Variants in ANKRD11 observed in about 807,000 individuals in gnomAD.
ANKRD11 encodes ankyrin repeat domain-containing protein 11.
Under a neutral mutation model 195.7 loss-of-function variants are expected in ANKRD11, and 17 were observed. The observed-to-expected ratio is 0.09, with a 90% CI of 0.06 to 0.13. The LOEUF (loss-of-function observed/expected upper bound fraction) is 0.13. Among genes scored for constraint, ANKRD11 ranks in the 10% least tolerant of loss-of-function variants. ANKRD11 has a pLI of 1.00. For synonymous variants in ANKRD11, 1,953 were observed against 1,528.1 expected, an observed-to-expected ratio of 1.28 and a Z score of -6.49; for missense variants, 3,735 against 3,566.1, an observed-to-expected ratio of 1.05 and a Z score of -1.21.
At chr16:89,339,290 T>A (rs1377823611) in intron 2 of ANKRD11, among the ~76,000 whole-genome samples, 1 of 152,228 alleles carries the variant, frequency 6.6e-6, no homozygotes, top group Non-Finnish European at 1.5e-5. Flanking sequence ...TAGAGATGTC[T>A]GAATTCCCCC....
chr16:89,397,585 T>C (rs1417990921), intron 2 of ANKRD11, among the ~76,000 whole-genome samples: 1 of 152,156 alleles, frequency 6.6e-6, no homozygotes, highest in Non-Finnish European at 1.5e-5. Context: ...AGGACAAAGG[T>C]GTGCATGGCA....
intron 2 of ANKRD11, among the ~76,000 whole-genome samples, chr16:89,374,659 G>A (rs1416505250): frequency 6.6e-6 from 1 of 152,198 alleles, no homozygotes; most frequent in Non-Finnish European, 1.5e-5. Context: ...ACGATCAGAG[G>A]AGAAAAGCTC....
At chr16:89,357,707 C>T (rs541108255) in intron 2 of ANKRD11, among the ~76,000 whole-genome samples, 17 of 152,286 alleles carry the variant, frequency 1.1e-4, no homozygotes, top group African/African-American at 4.1e-4. Context: ...ACAGCCAATG[C>T]TGCGGACTCC....
chr16:89,388,617 G>A (rs548353891), intron 2 of ANKRD11, among the ~76,000 whole-genome samples: 1 of 152,288 alleles, frequency 6.6e-6, no homozygotes, highest in African/African-American at 2.4e-5. Flanking sequence ...ATTTGCACCT[G>A]AGAAGATGGG....
intron 9 of ANKRD11, among the ~76,000 whole-genome samples, chr16:89,275,403 C>A (rs113451778): frequency 6.6e-6 from 1 of 152,336 alleles, no homozygotes; most frequent in East Asian, 1.9e-4. Context: ...CACGGTGCCC[C>A]GTACAGCACC....
intron 2 of ANKRD11, among the ~76,000 whole-genome samples, chr16:89,406,539 C>T (rs141589795): frequency 6.6e-6 from 1 of 152,152 alleles, no homozygotes; most frequent in Non-Finnish European, 1.5e-5. Flanking sequence ...GACACACAGG[C>T]ACCAGAGGCT....
At chr16:89,342,917 C>T (rs1216176954) in intron 2 of ANKRD11, among the ~76,000 whole-genome samples, 1 of 152,162 alleles carries the variant, frequency 6.6e-6, no homozygotes, top group African/African-American at 2.4e-5. Context: ...GGCTCATATC[C>T]CAGAGCCCAA....
intron 1 of ANKRD11, among the ~76,000 whole-genome samples, chr16:89,478,037 G>A (rs186539891): frequency 6.6e-6 from 1 of 152,076 alleles, no homozygotes; most frequent in African/African-American, 2.4e-5. Context: ...ATTTATTATG[G>A]CTTCAAAAGA....
intron 4 of ANKRD11, among the ~76,000 whole-genome samples, chr16:89,294,945 T>G (rs2035318905): frequency 6.6e-6 from 1 of 152,236 alleles, no homozygotes; most frequent in African/African-American, 2.4e-5. Flanking sequence ...CATCTGGAGC[T>G]ACCCCTAGGA....
chr16:89,381,452 G>T (rs551610811), intron 2 of ANKRD11, among the ~76,000 whole-genome samples: 1 of 151,802 alleles, frequency 6.6e-6, no homozygotes, highest in South Asian at 2.1e-4. Flanking sequence ...ATTGTATAAG[G>T]AGCAAGAGCT....
chr16:89,465,769 G>C (rs926822926), intron 1 of ANKRD11, among the ~76,000 whole-genome samples: 1 of 152,132 alleles, frequency 6.6e-6, no homozygotes. Flanking sequence ...GGAGTGCAGT[G>C]ACACGATCTC....
intron 1 of ANKRD11, among the ~76,000 whole-genome samples, chr16:89,438,120 G>A (rs1336061819): frequency 1.3e-5 from 2 of 152,358 alleles, no homozygotes; most frequent in East Asian, 3.9e-4. Flanking sequence ...CAGGGGCACT[G>A]GAGATGGGTC....
intron 2 of ANKRD11, among the ~76,000 whole-genome samples, chr16:89,384,207 G>A (rs538133287): frequency 9.2e-5 from 14 of 152,262 alleles, no homozygotes; most frequent in Non-Finnish European, 1.5e-4. Flanking sequence ...GTGACAGAGC[G>A]AGACTCCATC....
chr16:89,474,563 T>C (rs906277436), intron 1 of ANKRD11, among the ~76,000 whole-genome samples: 5 of 152,072 alleles, frequency 3.3e-5, no homozygotes, highest in Non-Finnish European at 5.9e-5. Context: ...GCACAAATAA[T>C]GACTGGTTGC....
At chr16:89,287,997 C>T (rs546702536) in intron 7 of ANKRD11, 10 of 486,678 alleles carry the variant, frequency 2.1e-5, no homozygotes, top group Middle Eastern at 5.3e-4. Context: ...TCCGGCAGGA[C>T]GGGGCTGTCA....
intron 2 of ANKRD11, among the ~76,000 whole-genome samples, chr16:89,391,027 G>A (rs1469757289): frequency 6.6e-6 from 1 of 152,060 alleles, no homozygotes; most frequent in Non-Finnish European, 1.5e-5. Flanking sequence ...AGGAGATCGA[G>A]ACCATCCTGG....
chr16:89,451,418 T>TTTC (rs2044068495), intron 1 of ANKRD11, among the ~76,000 whole-genome samples: 1 of 149,570 alleles, frequency 6.7e-6, no homozygotes, highest in Admixed American at 6.7e-5. Context: ...TTACTTTTTT[T>TTTC]TTTTTTTTTT....
At chr16:89,293,087 C>T (rs774406096) in intron 4 of ANKRD11, among the ~76,000 whole-genome samples, 3 of 152,194 alleles carry the variant, frequency 2.0e-5, no homozygotes, top group East Asian at 1.9e-4. Flanking sequence ...TGCCCACAGT[C>T]GCCTGGAGAA....
Position 89,305,256 on chromosome 16 carries a change from T to A in ANKRD11, c.176A>T (p.Lys59Met). The change falls in exon 4 of 13, where the codon AAG becomes ATG. Residue 59 changes from lysine (K) to methionine (M), a missense_variant. Physicochemically the swap from Lys to Met is moderately conservative, Grantham distance 95. Transcript: ENST00000301030. ...ATTGGCGCCCGCGGTGAAGGGCAGC[T>A]TCCGCTTGCTGGCTCGCTCCCTCAC... ...KEVRERASKR[K>M]LPFTAGANGE... The A allele has an allele frequency of 6.2e-7, 1 of 1,613,932 alleles. No homozygotes were observed. The highest frequency in any genetic ancestry group is 1.3e-5 in the African/African-American group (1 of 75,040).
Sources: allele counts gnomAD v4.1 joint callset (sites outside exome capture counted in the v4.1 genomes callset), GRCh38; gene constraint gnomAD v4.1.1; transcripts MANE v1.5; gene names NCBI Gene and HGNC (gene_info 2026-07-23, HGNC 2026-07-21).